The following DSE variants were observed in gnomAD, a reference collection of about 807,000 sequenced individuals.
DSE encodes dermatan sulfate epimerase, also known as dermatan-sulfate epimerase.
DSE carries 36 observed loss-of-function variants against 84.4 expected under a neutral mutation model. The observed-to-expected ratio is 0.43, with a 90% CI of 0.33 to 0.56. DSE has a LOEUF of 0.56. DSE is among the 20% of genes least tolerant of loss of function. DSE has a pLI of 0.06. For synonymous variants in DSE, 410 were observed against 430.1 expected (o/e 0.95, Z 0.58); for missense variants, 862 against 1,169.6 (o/e 0.74, Z 3.84).
intron 2 of DSE, among the ~76,000 whole-genome samples, chr6:116,410,590 TG>T (rs1278456211): frequency 6.6e-6 from 1 of 151,654 alleles, no homozygotes; most frequent in Non-Finnish European, 1.5e-5. Context: ...AAAAATTAGC[TG>T]GGTGTGGTGA....
intron 2 of DSE, among the ~76,000 whole-genome samples, chr6:116,285,455 T>C (rs1449756192): frequency 1.3e-5 from 2 of 152,238 alleles, no homozygotes; most frequent in Non-Finnish European, 2.9e-5. Context: ...AAAAATTTTC[T>C]CCCATTCTGT....
chr6:116,422,644 G>T (rs1334667738), intron 2 of DSE, among the ~76,000 whole-genome samples: 1 of 152,026 alleles, frequency 6.6e-6, no homozygotes, highest in African/African-American at 2.4e-5. Flanking sequence ...ACTTCATCAA[G>T]GACATTTTTA....
At chr6:116,279,266 GCTC>G in intron 2 of DSE, 1 of 1,605,140 alleles carries the variant, frequency 6.2e-7, no homozygotes, top group Non-Finnish European at 8.5e-7. Context: ...ACCTCCATCT[GCTC>G]CTCCATTACC....
intron 1 of DSE, among the ~76,000 whole-genome samples, chr6:116,380,305 C>T (rs1042276016): frequency 3.3e-5 from 5 of 151,908 alleles, no homozygotes; most frequent in African/African-American, 1.2e-4. Context: ...ATAAATATAA[C>T]ATAGTTTCCA....
intron 2 of DSE, among the ~76,000 whole-genome samples, chr6:116,285,700 C>A (rs143468872): frequency 6.6e-6 from 1 of 151,874 alleles, no homozygotes; most frequent in African/African-American, 2.4e-5. Flanking sequence ...TTTTTGTATG[C>A]GGTGTAAGGA....
intron 2 of DSE, among the ~76,000 whole-genome samples, chr6:116,260,234 A>G (rs1157552449): frequency 6.6e-6 from 1 of 152,094 alleles, no homozygotes; most frequent in Non-Finnish European, 1.5e-5. Context: ...TCTAATAATC[A>G]GTGATGTTGA....
At chr6:116,367,922 C>T (rs937126760), upstream of DSE, among the ~76,000 whole-genome samples, 5 of 152,012 alleles carry the variant, frequency 3.3e-5, no homozygotes, top group Non-Finnish European at 7.4e-5. Flanking sequence ...AGTCTGAAAC[C>T]GAGGCAAGAA....
chr6:116,336,551 T>G (rs1265574795), intron 2 of DSE, among the ~76,000 whole-genome samples: 1 of 151,778 alleles, frequency 6.6e-6, no homozygotes, highest in Non-Finnish European at 1.5e-5. Flanking sequence ...AGGTTGGGAG[T>G]TCAAGACCAG....
chr6:116,432,668 T>C (rs1783917558), intron 4 of DSE: 2 of 152,046 alleles, frequency 1.3e-5, no homozygotes, highest in South Asian at 2.1e-4. Flanking sequence ...TTTGTCTGGC[T>C]GAGTTTTCTA....
At chr6:116,279,400 A>T in intron 2 of DSE, 1 of 1,613,122 alleles carries the variant, frequency 6.2e-7, no homozygotes, top group Non-Finnish European at 8.5e-7. Context: ...CCCCGCCGTC[A>T]GCTCAGACGC....
At position 116,259,515 on chromosome 6, in the gene DSE, TTTTA is replaced by T. The variant is rs548885229; in HGVS notation, c.-54+553_-54+556del. 1.1e-4 allele frequency among the ~76,000 whole-genome samples: 17 copies of T among 152,348 alleles called. No homozygotes were observed. In the South Asian group the frequency reaches 3.1e-3, roughly 28 times the overall value. On this transcript the variant is annotated intron_variant, in intron 2 of 3. Transcript: ENST00000430252. ...ATAAGACACATCTTTTTTCCCCACATTTTATTTAAGTTCAGGGGTATATGTGCAG... is the reference window on the plus strand; with the variant it reads ...ATAAGACACATCTTTTTTCCCCACATTTTAAGTTCAGGGGTATATGTGCAG...
At chr6:116,305,857 G>A (rs1184798125) in intron 2 of DSE, among the ~76,000 whole-genome samples, 2 of 152,100 alleles carry the variant, frequency 1.3e-5, no homozygotes, top group Non-Finnish European at 2.9e-5. Context: ...GGTCAGGCTG[G>A]TCTTGAACTC....
intron 2 of DSE, among the ~76,000 whole-genome samples, chr6:116,271,338 C>A (rs1772868961): frequency 1.3e-5 from 2 of 152,150 alleles, no homozygotes; most frequent in South Asian, 4.1e-4. Context: ...CTAACAAGAT[C>A]CAGGTGGTGC....
chr6:116,383,614 T>C (rs1277055551), intron 1 of DSE, among the ~76,000 whole-genome samples: 1 of 152,240 alleles, frequency 6.6e-6, no homozygotes, highest in Non-Finnish European at 1.5e-5. Flanking sequence ...TTTAATTTTT[T>C]TAAATAATCA....
intron 2 of DSE, among the ~76,000 whole-genome samples, chr6:116,401,840 C>A (rs1347388532): frequency 2.6e-5 from 4 of 151,622 alleles, no homozygotes; most frequent in Admixed American, 2.0e-4. Context: ...GGATATAATT[C>A]ACCTATATTT....
intron 1 of DSE, among the ~76,000 whole-genome samples, chr6:116,376,272 G>T (rs571078185): frequency 2.0e-4 from 31 of 152,270 alleles, no homozygotes; most frequent in African/African-American, 7.5e-4. Context: ...GCCCTGGGCC[G>T]ATTGCTCAGT....
At chr6:116,278,550 C>T (rs986783876) in intron 2 of DSE, 36 of 1,614,042 alleles carry the variant, frequency 2.2e-5, no homozygotes, top group Non-Finnish European at 3.1e-5. Flanking sequence ...GCCTGGGGAT[C>T]TCTACAGGCT....
At chr6:116,301,363 A>G (rs1202616618) in intron 2 of DSE, among the ~76,000 whole-genome samples, 1 of 152,348 alleles carries the variant, frequency 6.6e-6, no homozygotes, top group Middle Eastern at 3.4e-3. Flanking sequence ...CCCATGTGCA[A>G]CTAGGCTGTA....
At chr6:116,398,207 A>G (rs931895875) in intron 1 of DSE, among the ~76,000 whole-genome samples, 2 of 152,182 alleles carry the variant, frequency 1.3e-5, no homozygotes, top group African/African-American at 4.8e-5. Flanking sequence ...TGCCTGCTTT[A>G]TCCCAGATGT....
Sources: allele counts gnomAD v4.1 joint callset (sites outside exome capture counted in the v4.1 genomes callset), GRCh38; gene constraint gnomAD v4.1.1; transcripts MANE v1.5; gene names NCBI Gene and HGNC (gene_info 2026-07-23, HGNC 2026-07-21).